The following FAM81A variants were observed in gnomAD, a reference collection of about 807,000 sequenced individuals.
The protein encoded by FAM81A is protein FAM81A.
Under a neutral mutation model 46.7 loss-of-function variants are expected in FAM81A, and 19 were observed. The observed-to-expected ratio is 0.41, with a 90% CI of 0.28 to 0.60. The LOEUF (loss-of-function observed/expected upper bound fraction) is 0.60, where lower values mean the gene tolerates loss of function less well. Ranked by LOEUF, FAM81A falls within the 20% of genes least tolerant of loss-of-function variation. The pLI, the probability that FAM81A is intolerant of heterozygous loss-of-function variation, is 0.34. For missense variants in FAM81A, 377 were observed against 453.5 expected, an observed-to-expected ratio of 0.83 and a Z score of 1.53; for synonymous variants, 183 against 152.9, an observed-to-expected ratio of 1.20 and a Z score of -1.45.
At chr15:59,421,446 C>T (rs1316960825) in intron 2 of FAM81A, among the ~76,000 whole-genome samples, 110 of 152,122 alleles carry the variant, frequency 7.2e-4, no homozygotes, top group Admixed American at 6.5e-5. Context: ...AGCGTATATA[C>T]GACGGGCTGG....
At chr15:59,412,286 G>A (rs1340720814) in intron 2 of FAM81A, among the ~76,000 whole-genome samples, 1 of 152,196 alleles carries the variant, frequency 6.6e-6, no homozygotes. Flanking sequence ...AGGTTCAGGA[G>A]TTTTGTTGGG....
intron 2 of FAM81A, chr15:59,402,455 G>A (rs528195113): frequency 2.0e-5 from 3 of 152,340 alleles, no homozygotes; most frequent in African/African-American, 4.8e-5. Context: ...TACTCACAAC[G>A]AGTTACAGAC....
intron 1 of FAM81A, chr15:59,401,879 C>T: frequency 1.3e-6 from 1 of 762,270 alleles, no homozygotes; most frequent in Admixed American, 1.8e-5. Context: ...TGAGACCAAT[C>T]ATTTTCTTTG....
intron 2 of FAM81A, among the ~76,000 whole-genome samples, chr15:59,419,225 AC>A (rs1212189866): frequency 1.3e-5 from 2 of 152,218 alleles, no homozygotes; most frequent in Admixed American, 6.5e-5. Context: ...TAAAGCAATT[AC>A]AAAAACCATC....
At chr15:59,430,912 A>C (rs1251284645) in intron 2 of FAM81A, among the ~76,000 whole-genome samples, 1 of 152,238 alleles carries the variant, frequency 6.6e-6, no homozygotes, top group African/African-American at 2.4e-5. Flanking sequence ...TGTGTAGGAC[A>C]TAATAGTTGA....
chr15:59,416,438 C>T (rs1416098668), intron 2 of FAM81A, among the ~76,000 whole-genome samples: 2 of 152,202 alleles, frequency 1.3e-5, no homozygotes, highest in African/African-American at 4.8e-5. Flanking sequence ...TTGTGCCTAA[C>T]CAGTAGTATT....
At position 59,411,476 on chromosome 15, in the gene FAM81A, T is replaced by G. The variant is rs570054605; in HGVS notation, c.-78+9118T>G. Among the ~76,000 whole-genome samples the G allele has an allele frequency of 2.6e-5, 4 of 152,300 alleles. No homozygotes were observed. In the East Asian group the frequency reaches 5.8e-4, roughly 22 times the overall value. ...AAATTACTCAGAGTATTGATCAGAA[T>G]GTATACAGTAGCCCTCAAACGCAAC... On this transcript the variant is annotated intron_variant, in intron 2 of 4. Transcript: ENST00000558348.
chr15:59,447,638 T>C (rs1280823695), intron 1 of FAM81A, among the ~76,000 whole-genome samples: 5 of 152,218 alleles, frequency 3.3e-5, no homozygotes, highest in Non-Finnish European at 4.4e-5. Flanking sequence ...CTAGATACAT[T>C]GGCTTGGGAA....
At chr15:59,454,944 G>A (rs921454658) in intron 1 of FAM81A, among the ~76,000 whole-genome samples, 2 of 141,942 alleles carry the variant, frequency 1.4e-5, no homozygotes, top group Non-Finnish European at 3.1e-5. Context: ...ATTTTTTTTT[G>A]TTTGTATTTT....
At chr15:59,507,463 A>G (rs555740090) in intron 5 of FAM81A, 121 bp downstream of exon 5, 29 of 1,280,328 alleles carry the variant, frequency 2.3e-5, no homozygotes, top group Admixed American at 2.7e-5. Context: ...GTTTATGCCA[A>G]TCATAAGCAT....
chr15:59,425,149 T>G (rs1296937416), intron 2 of FAM81A, among the ~76,000 whole-genome samples: 7 of 151,896 alleles, frequency 4.6e-5, no homozygotes, highest in Non-Finnish European at 8.8e-5. Context: ...CCTCCCAAAG[T>G]GTTGGGATAA....
intron 2 of FAM81A, among the ~76,000 whole-genome samples, chr15:59,428,275 G>T (rs1174954310): frequency 2.0e-5 from 3 of 151,948 alleles, no homozygotes; most frequent in Admixed American, 2.0e-4. Context: ...TATAGAGTTG[G>T]TTGCATTCCT....
chr15:59,430,725 AG>A (rs2081216409), intron 2 of FAM81A, among the ~76,000 whole-genome samples: 1 of 152,208 alleles, frequency 6.6e-6, no homozygotes, highest in Admixed American at 6.5e-5. Context: ...AAAATGATGC[AG>A]GAGATTAGGA....
At chr15:59,488,566 AT>A in intron 3 of FAM81A, among the ~76,000 whole-genome samples, 1 of 152,380 alleles carries the variant, frequency 6.6e-6, no homozygotes, top group South Asian at 2.1e-4. Flanking sequence ...AACAAATTCA[AT>A]AAAATTTCAG....
At chr15:59,490,696 C>G (rs1035070417) in intron 3 of FAM81A, among the ~76,000 whole-genome samples, 3 of 152,026 alleles carry the variant, frequency 2.0e-5, no homozygotes, top group Non-Finnish European at 4.4e-5. Flanking sequence ...TTTAGCCTGG[C>G]ATGGTGATGC....
At chr15:59,475,263 G>T (rs1202845691) in intron 3 of FAM81A, among the ~76,000 whole-genome samples, 1 of 151,868 alleles carries the variant, frequency 6.6e-6, no homozygotes, top group African/African-American at 2.4e-5. Context: ...TCATGCCTCA[G>T]CCTCCCAAGT....
chr15:59,465,603 T>C (rs1214577225), intron 3 of FAM81A, among the ~76,000 whole-genome samples: 2 of 152,210 alleles, frequency 1.3e-5, no homozygotes, highest in African/African-American at 2.4e-5. Flanking sequence ...GGTTGCTTTG[T>C]CTATTCGCGG....
chr15:59,449,305 A>G (rs2081387579), intron 1 of FAM81A, among the ~76,000 whole-genome samples: 1 of 152,210 alleles, frequency 6.6e-6, no homozygotes, highest in South Asian at 2.1e-4. Flanking sequence ...AAATTGATAC[A>G]GTGAAAAATT....
At chr15:59,491,356 G>A (rs1193612769) in intron 3 of FAM81A, among the ~76,000 whole-genome samples, 2 of 152,114 alleles carry the variant, frequency 1.3e-5, no homozygotes, top group African/African-American at 4.8e-5. Context: ...ACTTGTGGGA[G>A]CTAAAAATTA....
Sources: gnomAD v4.1 joint callset for allele counts (sites outside exome capture counted in the v4.1 genomes callset) on GRCh38, gnomAD v4.1.1 for gene constraint, MANE v1.5 for transcripts, NCBI Gene and HGNC (gene_info 2026-07-23, HGNC 2026-07-21) for gene names.